HEATR5A: variants seen among roughly 807,000 people sequenced by gnomAD.
The protein encoded by HEATR5A is HEAT repeat-containing protein 5A.
HEATR5A carries 178 observed loss-of-function variants against 218.8 expected under a neutral mutation model. The observed-to-expected ratio is 0.81, with a 90% CI of 0.72 to 0.92. HEATR5A has a LOEUF of 0.92. Among genes scored for constraint, HEATR5A ranks in the 40% least tolerant of loss-of-function variants. The probability of loss-of-function intolerance (pLI) is 0.00; values close to 1 mark genes in which losing one functional copy is unlikely to be tolerated. For synonymous variants in HEATR5A, 864 were observed against 871.6 expected (o/e 0.99, Z 0.15); for missense variants, 2,420 against 2,418.9 (o/e 1.00, Z -0.01).
At chr14:31,382,313 T>C (rs1339432029) in intron 10 of HEATR5A, among the ~76,000 whole-genome samples, 2 of 152,238 alleles carry the variant, frequency 1.3e-5, no homozygotes, top group Non-Finnish European at 2.9e-5. Context: ...GCATTGGCAA[T>C]ACTCAAAATA....
chr14:31,388,479 T>G (rs2030321896), intron 7 of HEATR5A, among the ~76,000 whole-genome samples: 1 of 152,220 alleles, frequency 6.6e-6, no homozygotes, highest in Admixed American at 6.5e-5. Flanking sequence ...TTATTTCACC[T>G]ATGCTAAACA....
intron 22 of HEATR5A, among the ~76,000 whole-genome samples, chr14:31,336,045 C>T (rs1282269300): frequency 6.7e-6 from 1 of 149,666 alleles, no homozygotes; most frequent in Non-Finnish European, 1.5e-5. Context: ...CATAATAACT[C>T]ACAGCAACCT....
At chr14:31,334,771 C>G (rs965652079) in intron 22 of HEATR5A, among the ~76,000 whole-genome samples, 2 of 151,952 alleles carry the variant, frequency 1.3e-5, no homozygotes, top group Admixed American at 6.6e-5. Context: ...ATGGTGAAAC[C>G]CTGTCTCTAC....
chr14:31,399,818 TTC>T (rs2030805384), intron 3 of HEATR5A, among the ~76,000 whole-genome samples: 1 of 152,072 alleles, frequency 6.6e-6, no homozygotes, highest in Non-Finnish European at 1.5e-5. Flanking sequence ...TGGACAGAGA[TTC>T]TGTCTCAAAA....
intron 11 of HEATR5A, among the ~76,000 whole-genome samples, chr14:31,378,116 A>G (rs912296568): frequency 5.9e-5 from 9 of 152,202 alleles, no homozygotes; most frequent in African/African-American, 1.9e-4. Context: ...GCTTGACTAC[A>G]TTATTCCCAG....
chr14:31,359,344 C>T (rs912485980), intron 14 of HEATR5A, among the ~76,000 whole-genome samples: 1 of 149,158 alleles, frequency 6.7e-6, no homozygotes, highest in African/African-American at 2.5e-5. Flanking sequence ...TAAGGTATAA[C>T]ATGACATAAA....
intron 22 of HEATR5A, among the ~76,000 whole-genome samples, chr14:31,329,744 G>A (rs1302492311): frequency 4.6e-5 from 7 of 152,032 alleles, no homozygotes; most frequent in Admixed American, 3.3e-4. Context: ...ATGGAGTCTC[G>A]CTCTGTCATC....
chr14:31,322,831 A>C (rs986138438), intron 24 of HEATR5A, among the ~76,000 whole-genome samples: 65 of 151,818 alleles, frequency 4.3e-4, no homozygotes, highest in African/African-American at 1.5e-3. Context: ...AAAAAAAAAA[A>C]AAAAACACAA....
At chr14:31,298,264 C>T (rs1566744874) in intron 33 of HEATR5A, among the ~76,000 whole-genome samples, 1 of 151,902 alleles carries the variant, frequency 6.6e-6, no homozygotes, top group African/African-American at 2.4e-5. Flanking sequence ...TTTTAAGCCA[C>T]TAAGTTTTGA....
chr14:31,396,215 G>A (rs138120830), intron 4 of HEATR5A, among the ~76,000 whole-genome samples: 1 of 152,090 alleles, frequency 6.6e-6, no homozygotes, highest in Non-Finnish European at 1.5e-5. Context: ...TTTTAGTCAG[G>A]AGTGTTAGTG....
chr14:31,345,536 T>C (rs1050849736), intron 19 of HEATR5A, among the ~76,000 whole-genome samples: 2 of 152,296 alleles, frequency 1.3e-5, no homozygotes, highest in South Asian at 2.1e-4. Context: ...TGTTGAAAAA[T>C]TGTTTATTGT....
At chr14:31,362,147 T>G (rs1481476846) in intron 14 of HEATR5A, among the ~76,000 whole-genome samples, 1 of 151,982 alleles carries the variant, frequency 6.6e-6, no homozygotes, top group Non-Finnish European at 1.5e-5. Flanking sequence ...TTGTGTATTT[T>G]TAGTAGAGAT....
At chr14:31,385,422 C>T (rs1032448384) in intron 9 of HEATR5A, among the ~76,000 whole-genome samples, 5 of 151,942 alleles carry the variant, frequency 3.3e-5, no homozygotes. Context: ...AGCCACCATG[C>T]CAGGCCTAAA....
intron 33 of HEATR5A, among the ~76,000 whole-genome samples, chr14:31,299,180 T>C (rs1899285564): frequency 6.6e-6 from 1 of 152,216 alleles, no homozygotes; most frequent in African/African-American, 2.4e-5. Context: ...ACTTTTGAAA[T>C]AACCCTCACT....
At chr14:31,306,649 C>T (rs1221210533) in intron 31 of HEATR5A, 83 bp downstream of exon 31, 6 of 1,337,266 alleles carry the variant, frequency 4.5e-6, no homozygotes, top group South Asian at 1.7e-5. Flanking sequence ...AAAAGATTAT[C>T]AAAACTATAT....
At chr14:31,303,573 T>C (rs1757029766) in intron 32 of HEATR5A, among the ~76,000 whole-genome samples, 1 of 152,198 alleles carries the variant, frequency 6.6e-6, no homozygotes, top group South Asian at 2.1e-4. Context: ...ACAAGACATT[T>C]CTCTTTTATA....
Position 31,292,613 on chromosome 14 carries a change from C to T in HEATR5A, c.*692G>A, listed in dbSNP as rs1899059978. The T allele has an allele frequency of 6.7e-6, 1 of 149,224 alleles. No individual in the cohort carries two copies. The allele number at this position is 149,224 out of a possible 1,614,324, so 9.2% of individuals were successfully genotyped here. On this transcript the variant is annotated 3_prime_UTR_variant, in exon 36 of 36. Transcript: ENST00000543095. ...TTTTTTTTTTTTTTAGATGGAGTCT[C>T]ACTCTGTCGCCCAGGCTGGAGTGCA...
intron 28 of HEATR5A, among the ~76,000 whole-genome samples, chr14:31,311,110 G>A (rs553320997): frequency 1.3e-5 from 2 of 151,770 alleles, no homozygotes; most frequent in Non-Finnish European, 2.9e-5. Flanking sequence ...AACTTTACAG[G>A]CTCATCCTAA....
chr14:31,371,459 T>A (rs1033131883), intron 13 of HEATR5A: 2 of 158,790 alleles, frequency 1.3e-5, no homozygotes, highest in African/African-American at 2.4e-5. Flanking sequence ...CTCAAACTTA[T>A]GAAAAATATA....
Sources: gnomAD v4.1 joint callset for allele counts (sites outside exome capture counted in the v4.1 genomes callset) on GRCh38, gnomAD v4.1.1 for gene constraint, MANE v1.5 for transcripts, NCBI Gene and HGNC (gene_info 2026-07-23, HGNC 2026-07-21) for gene names.